GJA9: variants seen among roughly 807,000 people sequenced by gnomAD.
GJA9 encodes the protein gap junction protein alpha 9, also known as gap junction alpha-9 protein.
GJA9 carries 1 observed loss-of-function variant against 0.4 expected under a neutral mutation model. The observed-to-expected ratio is 2.50, with a 90% CI of 0.89 to 11.88. The LOEUF (loss-of-function observed/expected upper bound fraction) is 11.88, where lower values mean the gene tolerates loss of function less well. Among genes scored for constraint, GJA9 ranks in the 30% most tolerant of loss-of-function variants. GJA9 has a pLI of 0.12. For synonymous variants in GJA9, 190 were observed against 219.1 expected, an observed-to-expected ratio of 0.87 and a Z score of 1.17; for missense variants, 550 against 602.8, an observed-to-expected ratio of 0.91 and a Z score of 0.92.
Position 38,875,738 on chromosome 1 carries a change from C to T in GJA9, c.361G>A (p.Val121Ile), listed in dbSNP as rs1439429326. The change falls in exon 2 of 2, where the codon GTA (valine) becomes ATA (isoleucine). Residue 121 changes from valine (V) to isoleucine (I), a missense_variant. Val to Ile is a conservative substitution (Grantham distance 29, BLOSUM62 3). Transcript: ENST00000357771. Reference sequence around the variant, plus strand: ...CGATCCCTAGGCATTTCAAACTCTACCTCCTCCAGTTCTACTCTTAACTGA... The same window carrying T: ...CGATCCCTAGGCATTTCAAACTCTATCTCCTCCAGTTCTACTCTTAACTGA... ...KAQLRVELEE[V>I]EFEMPRDRRR... 2.5e-6 allele frequency: 4 copies of T among 1,614,112 alleles called. No individual in the cohort carries two copies. The African/African-American group carries it at 5.3e-5, about 22-fold the overall frequency.
chr1:38,876,148 G>T lies in GJA9; in HGVS notation c.-50C>A. ...TCTGATCCACATCAAATAAGAGGCA[G>T]ATAAATTCTTCCATTCTGAAGGGAG... is the stretch of plus-strand genomic sequence containing the variant. On this transcript the variant is annotated 5_prime_UTR_variant, in exon 2 of 2. In the 5' UTR this introduces an upstream ATG that the reference lacks. Coordinates refer to ENST00000357771, the MANE Select transcript of GJA9 (RefSeq NM_030772.5). 7.0e-7 allele frequency: 1 copy of T among 1,436,166 alleles called. No individual in the cohort carries two copies. Among genetic ancestry groups the T allele is most frequent in the South Asian group, 1.3e-5 (1 of 79,792 alleles). The allele number at this position is 1,436,166 out of a possible 1,614,324, so 89.0% of individuals were successfully genotyped here.
chr1:38,880,413 AAATAATAAT>A (rs201524082), intron 1 of GJA9, among the ~76,000 whole-genome samples: 11,587 of 119,692 alleles, frequency 0.097, 1,227 homozygotes, highest in African/African-American at 0.12. Flanking sequence ...AAAAAAAAAT[AAATAATAAT>A]AATAATAATA....
In GJA9 at chr1:38,874,509, C is replaced by T; in HGVS notation, c.*42G>A. 6.7e-7 allele frequency: 1 copy of T among 1,498,590 alleles called. No homozygotes were observed. Among genetic ancestry groups the T allele is most frequent in the Non-Finnish European group, 9.2e-7 (1 of 1,090,658 alleles). 92.8% of individuals were successfully genotyped at this position (1,498,590 alleles called of 1,614,324 possible). ...TCTGTGCCCCACGACCACTAGGCTA[C>T]TTCTCTGATAATATATATAATGTCT... On this transcript the variant is annotated 3_prime_UTR_variant, in exon 2 of 2. Coordinates refer to ENST00000357771, the MANE Select transcript of GJA9 (RefSeq NM_030772.5).
rs1181060913 is a variant in GJA9 at position 38,874,454 on chromosome 1, T to C, written c.*97A>G. ...GTTTGCAGTTGTCTGTCTTAACAGC[T>C]GGTCTTTAGAGCTGCCCCTATCTAT... On this transcript the variant is annotated 3_prime_UTR_variant, in exon 2 of 2. Transcript: ENST00000357771. The C allele has an allele frequency of 3.4e-6, 3 of 873,564 alleles. No individual in the cohort carries two copies. The highest frequency in any genetic ancestry group is 4.9e-5 in the East Asian group (2 of 41,148). 54.1% of individuals were successfully genotyped at this position (873,564 alleles called of 1,614,324 possible). A position where few individuals can be genotyped will look rare whatever the true frequency, so the allele number is the denominator to read the frequency against.
Position 38,881,324 on chromosome 1 carries a change from T to A in GJA9, c.-96+108A>T, listed in dbSNP as rs1570903553. 6 of 528,028 alleles carry A rather than the reference T, an allele frequency of 1.1e-5. No homozygotes were observed. The East Asian group carries it at 1.9e-4, about 17-fold the overall frequency. 32.7% of individuals were successfully genotyped at this position (528,028 alleles called of 1,614,324 possible). Reference sequence around the variant, plus strand: ...ATTAAAGCTTTCATAGCAAATGACATAAAAACTGGTATACATATATACAGT... The same window carrying A: ...ATTAAAGCTTTCATAGCAAATGACAAAAAAACTGGTATACATATATACAGT... On this transcript the variant is annotated intron_variant, in intron 1 of 1. Transcript: ENST00000357771.
rs1263945807 is a variant in GJA9 at position 38,875,155 on chromosome 1, A to G, written c.944T>C (p.Val315Ala). Residue 315 changes from valine (V) to alanine (A), a missense_variant, in exon 2 of 2, where the codon GTA (valine) becomes GCA (alanine). Val to Ala is a moderately conservative substitution (Grantham distance 64, BLOSUM62 0). Coordinates refer to ENST00000357771, the MANE Select transcript of GJA9 (RefSeq NM_030772.5). ...ATCCAAAATGCATTTCTCATCATTT[A>G]CACTATGATTGTCAGGATTTGGCTG... ...VFQPNPDNHS[V>A]NDEKCILDEQ... 6 of 1,613,984 alleles carry G rather than the reference A, an allele frequency of 3.7e-6. No homozygotes were observed. In the Admixed American group the frequency reaches 5.0e-5, roughly 13 times the overall value.
At chr1:38,877,832 A>C (rs1192922618) in intron 1 of GJA9, among the ~76,000 whole-genome samples, 1 of 152,190 alleles carries the variant, frequency 6.6e-6, no homozygotes, top group Admixed American at 6.5e-5. Context: ...ATTTATACAC[A>C]TAGGAAAACG....
intron 1 of GJA9, 37 bp from the exon 2 acceptor site, chr1:38,876,230 G>T: frequency 1.4e-6 from 1 of 732,340 alleles, no homozygotes; most frequent in Non-Finnish European, 2.3e-6. Flanking sequence ...ACTTCTATAT[G>T]CTGGTTGCTT....
rs559290870 is a variant in GJA9, at chr1:38,874,597, G to A, written c.1502C>T (p.Thr501Met). 10 of 1,614,196 alleles carry A rather than the reference G, an allele frequency of 6.2e-6. No homozygotes were observed. In the African/African-American group the frequency reaches 6.7e-5, roughly 11 times the overall value. ...VCPPNHVVSL[T>M]NNLIGRRVPT... ...AACCCGCCTACCAATGAGATTGTTC[G>A]TTAGGGACACTACGTGATTTGGAGG... Residue 501 changes from threonine to methionine, a missense_variant, in exon 2 of 2, where the codon ACG (threonine) becomes ATG (methionine). Coordinates refer to ENST00000357771, the MANE Select transcript of GJA9 (RefSeq NM_030772.5).
intron 1 of GJA9, among the ~76,000 whole-genome samples, chr1:38,877,116 C>T (rs1429169696): frequency 4.6e-5 from 7 of 151,018 alleles, no homozygotes; most frequent in Admixed American, 3.3e-4. Context: ...CTCAGCTCAC[C>T]GCAACCTCCA....
At chr1:38,878,326 C>T (rs1454361731) in intron 1 of GJA9, among the ~76,000 whole-genome samples, 1 of 151,738 alleles carries the variant, frequency 6.6e-6, no homozygotes, top group African/African-American at 2.4e-5. Context: ...GTGATCCACC[C>T]GCCTCGGCCT....
chr1:38,876,078 A>G lies in GJA9; in HGVS notation c.21T>C (p.Leu7=). 6.2e-7 allele frequency: 1 copy of G among 1,612,970 alleles called. No individual in the cohort carries two copies. The highest frequency in any genetic ancestry group is 8.5e-7 in the Non-Finnish European group (1 of 1,178,986). The part of the protein sequence containing the change: MGDWNL[L]GDTLEEVHIH... ...TGTGAACTTCCTCCAGAGTATCTCC[A>G]AGGAGATTCCAGTCCCCCATGTTTA... The change falls in exon 2 of 2, where the codon CTT becomes CTC. Residue 7 remains leucine, a synonymous_variant. Transcript: ENST00000357771.
At chr1:38,876,674 TGGA>T (rs1360728158) in intron 1 of GJA9, among the ~76,000 whole-genome samples, 1 of 151,966 alleles carries the variant, frequency 6.6e-6, no homozygotes, top group East Asian at 1.9e-4. Flanking sequence ...ACATGATACC[TGGA>T]GGAGGAGTGT....
chr1:38,881,379 A>G (rs1178944038), intron 1 of GJA9, 53 bp downstream of exon 1: 1 of 697,880 alleles, frequency 1.4e-6, no homozygotes, highest in African/African-American at 1.8e-5. Flanking sequence ...AAAGATAAAA[A>G]CATTTCAAAC....
rs779569314 is a variant in GJA9 at position 38,875,224 on chromosome 1, G to A, written c.875C>T (p.Thr292Ile). Residue 292 changes from threonine (T) to isoleucine (I), a missense_variant, in exon 2 of 2, where the codon ACA becomes ATA. Thr to Ile is a moderately conservative substitution (Grantham distance 89). Transcript: ENST00000357771. ...TAAACTAGGGTACACTGCAGTGTGT[G>A]TTTGCTTTTCCACTAACAGATTATA... ...PDYNLLVEKQ[T>I]HTAVYPSLNS... is the part of the protein sequence containing the mutation. 6.2e-7 allele frequency: 1 copy of A among 1,614,178 alleles called. No homozygotes were observed.
chr1:38,875,709 C>A lies in GJA9; in HGVS notation c.390G>T (p.Arg130Ser), dbSNP rs750240223. The change falls in exon 2 of 2, where the codon AGG becomes AGT. Residue 130 changes from arginine (R) to serine (S), a missense_variant. Transcript: ENST00000357771. ...GCTGACAAAGCTCTTGCTCCAATCT[C>A]CTCCGATCCCTAGGCATTTCAAACT... Reference protein sequence around the residue: ...EVEFEMPRDRRRLEQELCQLE... With the variant: ...EVEFEMPRDRSRLEQELCQLE... 6 of 1,614,108 alleles carry A rather than the reference C, an allele frequency of 3.7e-6. No individual in the cohort carries two copies. In the East Asian group the frequency reaches 1.3e-4, roughly 36 times the overall value.
intron 1 of GJA9, among the ~76,000 whole-genome samples, chr1:38,879,098 A>G (rs574537569): frequency 6.6e-6 from 1 of 152,262 alleles, no homozygotes; most frequent in East Asian, 1.9e-4. Flanking sequence ...TGGTGGCAGT[A>G]TTATGGAAAC....
chr1:38,874,769 TGAGGTTACCTTTAG>T lies in GJA9; in HGVS notation c.1316_1329del (p.Pro439GlnfsTer23), dbSNP rs747738934. On this transcript the variant is annotated frameshift_variant, in exon 2 of 2. Coordinates refer to ENST00000357771, the MANE Select transcript of GJA9 (RefSeq NM_030772.5). LOFTEE classifies it low-confidence loss of function (END_TRUNC). ...ACTGTGCCCTTTCTGAACTGGCCCT[TGAGGTTACCTTTAG>T]GAGGTGACCCCCGGTTTTCATGTTC... 1.2e-6 allele frequency: 2 copies of T among 1,614,174 alleles called. No homozygotes were observed. The highest frequency in any genetic ancestry group is 1.7e-6 in the Non-Finnish European group (2 of 1,180,006).
intron 1 of GJA9, among the ~76,000 whole-genome samples, chr1:38,877,855 T>C (rs1642617658): frequency 6.6e-6 from 1 of 152,174 alleles, no homozygotes; most frequent in Admixed American, 6.5e-5. Flanking sequence ...TATGCTTCAT[T>C]TGATAATTCA....
Sources: allele counts gnomAD v4.1 joint callset (sites outside exome capture counted in the v4.1 genomes callset), GRCh38; gene constraint gnomAD v4.1.1; transcripts MANE v1.5; gene names NCBI Gene and HGNC (gene_info 2026-07-23, HGNC 2026-07-21).